Variants in COL15A1 observed in about 807,000 individuals in gnomAD.
COL15A1 encodes collagen type XV alpha 1 chain.
COL15A1 carries 111 observed loss-of-function variants against 165.9 expected under a neutral mutation model. The ratio of observed to expected loss-of-function variants is 0.67; its 90% CI spans 0.57 to 0.78. The LOEUF (loss-of-function observed/expected upper bound fraction) is 0.78, where lower values mean the gene tolerates loss of function less well. Among genes scored for constraint, COL15A1 ranks in the 30% least tolerant of loss-of-function variants. The pLI, the probability that COL15A1 is intolerant of heterozygous loss-of-function variation, is 0.00. For synonymous variants in COL15A1, 659 were observed against 674.8 expected, an observed-to-expected ratio of 0.98 and a Z score of 0.36; for missense variants, 1,745 against 1,789.7, an observed-to-expected ratio of 0.98 and a Z score of 0.45.
intron 5 of COL15A1, among the ~76,000 whole-genome samples, chr9:98,990,557 C>T (rs529050145): frequency 6.6e-6 from 1 of 152,378 alleles, no homozygotes; most frequent in African/African-American, 2.4e-5. Flanking sequence ...TGATGCTGCC[C>T]TGTGCACCAG....
At position 99,069,930 on chromosome 9, in the gene COL15A1, G is replaced by A. The variant is rs188441702; in HGVS notation, c.*44G>A. 1,287 of 1,470,088 alleles carry A rather than the reference G, an allele frequency of 8.8e-4. 14 individuals carry two copies. Among genetic ancestry groups the A allele is most frequent in the South Asian group, 6.9e-3 (567 of 82,452 alleles). 91.1% of individuals were successfully genotyped at this position (1,470,088 alleles called of 1,614,324 possible). A position where few individuals can be genotyped will look rare whatever the true frequency, so the allele number is the denominator to read the frequency against. On this transcript the variant is annotated 3_prime_UTR_variant, in exon 42 of 42. Transcript: ENST00000375001. ...TAAAGAGTTTTCAATTTTTTCTTAT[G>A]TGAAGAGTTGACACTGAAATCTAAA... is the stretch of plus-strand genomic sequence containing the variant.
rs147058448 is a variant in COL15A1, at chr9:98,978,130, A to G, written c.101-7435A>G. 2.1e-3 allele frequency among the ~76,000 whole-genome samples: 320 copies of G among 152,322 alleles called. 3 individuals carry two copies. The highest frequency in any genetic ancestry group is 7.3e-3 in the African/African-American group (303 of 41,582). Reference sequence around the variant, plus strand: ...CCTGGCCATGGAAGTCTCCCTGAACATCAATTTCCCTGTCTAGAAAACAAG... The same window carrying G: ...CCTGGCCATGGAAGTCTCCCTGAACGTCAATTTCCCTGTCTAGAAAACAAG... On this transcript the variant is annotated intron_variant, in intron 2 of 41. Transcript: ENST00000375001.
chr9:99,032,351 A>G (rs1280219376), intron 16 of COL15A1, among the ~76,000 whole-genome samples: 2 of 151,910 alleles, frequency 1.3e-5, no homozygotes, highest in Admixed American at 1.3e-4. Flanking sequence ...CACCACACCC[A>G]GCTAACTTAT....
Position 98,943,931 on chromosome 9 carries a change from G to T in COL15A1, c.-131G>T, listed in dbSNP as rs899951849. On this transcript the variant is annotated 5_prime_UTR_variant, in exon 1 of 42. Coordinates refer to ENST00000375001, the MANE Select transcript of COL15A1 (RefSeq NM_001855.5). ...GATTCTGCCCGCCGCCGCCGCTGCCGAGCGCCGCCTTTGTTCCCTGCAGGA... is the reference window on the plus strand; with the variant it reads ...GATTCTGCCCGCCGCCGCCGCTGCCTAGCGCCGCCTTTGTTCCCTGCAGGA... The T allele has an allele frequency of 3.9e-5, 48 of 1,240,726 alleles. No individual in the cohort carries two copies. Among genetic ancestry groups the T allele is most frequent in the South Asian group, 2.7e-4 (15 of 55,740 alleles). The allele number at this position is 1,240,726 out of a possible 1,614,324, so 76.9% of individuals were successfully genotyped here. A position where few individuals can be genotyped will look rare whatever the true frequency, so the allele number is the denominator to read the frequency against.
chr9:99,062,388 C>G (rs1259927048), intron 38 of COL15A1, 84 bp downstream of exon 38: 13 of 1,015,934 alleles, frequency 1.3e-5, no homozygotes, highest in Non-Finnish European at 1.9e-5. Context: ...ACCAAGCTCT[C>G]CAAACTCTGG....
chr9:99,065,831 CTG>C (rs1206099559), intron 39 of COL15A1, among the ~76,000 whole-genome samples: 1 of 151,480 alleles, frequency 6.6e-6, no homozygotes, highest in African/African-American at 2.4e-5. Context: ...TGGACACTCA[CTG>C]TAGCTCATGG....
At chr9:99,039,125 T>G (rs1200586994) in intron 22 of COL15A1, among the ~76,000 whole-genome samples, 1 of 152,260 alleles carries the variant, frequency 6.6e-6, no homozygotes, top group East Asian at 1.9e-4. Context: ...GGACTCATTC[T>G]AGTCTTTATA....
intron 2 of COL15A1, among the ~76,000 whole-genome samples, chr9:98,967,485 C>T (rs13300426): frequency 0.23 from 35,629 of 152,200 alleles, 4,721 homozygotes; most frequent in East Asian, 0.36. Flanking sequence ...AGCCTTCTTC[C>T]CCCACAGCTG....
At chr9:98,965,733 C>T (rs1351493026) in intron 2 of COL15A1, among the ~76,000 whole-genome samples, 7 of 152,242 alleles carry the variant, frequency 4.6e-5, no homozygotes, top group Admixed American at 2.0e-4. Context: ...GTCCCCTTCC[C>T]AGTGTCCCCC....
At chr9:98,998,628 T>C (rs1009299433) in intron 6 of COL15A1, among the ~76,000 whole-genome samples, 1 of 152,140 alleles carries the variant, frequency 6.6e-6, no homozygotes, top group Admixed American at 6.5e-5. Flanking sequence ...CTGGCCGCAG[T>C]TGTGGAAGTG....
intron 6 of COL15A1, among the ~76,000 whole-genome samples, chr9:98,998,770 C>G (rs547439267): frequency 6.6e-6 from 1 of 152,322 alleles, no homozygotes; most frequent in South Asian, 2.1e-4. Flanking sequence ...GGGCTCTGAT[C>G]CCAACGCAGC....
intron 16 of COL15A1, among the ~76,000 whole-genome samples, chr9:99,026,821 G>A (rs1014401664): frequency 3.9e-5 from 6 of 152,076 alleles, no homozygotes; most frequent in African/African-American, 1.4e-4. Context: ...CCATGCTATT[G>A]AGAACCTCCC....
At chr9:99,068,724 A>T (rs1470676022) in intron 41 of COL15A1, 54 bp downstream of exon 41, 2 of 1,035,114 alleles carry the variant, frequency 1.9e-6, no homozygotes, top group African/African-American at 3.4e-5. Context: ...TTTAGGGGGC[A>T]TCCTAACAAT....
chr9:99,069,761 G>T lies in COL15A1; in HGVS notation c.4042G>T (p.Ala1348Ser), dbSNP rs1390555239. 6.2e-7 allele frequency: 1 copy of T among 1,614,252 alleles called. No homozygotes were observed. Residue 1348 changes from alanine to serine, a missense_variant, in exon 42 of 42, where the codon GCG (alanine) becomes TCG (serine). Transcript: ENST00000375001. ...YCEAWRTADT[A>S]VTGLASPLST... ...TGAAGCATGGCGAACCGCGGACACA[G>T]CGGTCACGGGACTTGCCTCCCCGCT...
rs190506253 is a variant in COL15A1 at position 99,028,631 on chromosome 9, C to T, written c.2043+2665C>T. ...CGCCACTGCACTTCAGCCTGGGTGA[C>T]AGGGTGAGACTCCGTCTCCAGAAAA... is the stretch of plus-strand genomic sequence containing the variant. On this transcript the variant is annotated intron_variant, in intron 16 of 41. Coordinates refer to ENST00000375001, the MANE Select transcript of COL15A1 (RefSeq NM_001855.5). Among the ~76,000 whole-genome samples the T allele has an allele frequency of 2.0e-3, 300 of 152,020 alleles. 1 individual carries two copies. The highest frequency in any genetic ancestry group is 6.8e-3 in the African/African-American group (282 of 41,456).
At chr9:98,970,328 T>G (rs1838025980) in intron 2 of COL15A1, among the ~76,000 whole-genome samples, 1 of 152,222 alleles carries the variant, frequency 6.6e-6, no homozygotes, top group Non-Finnish European at 1.5e-5. Context: ...ATTCAGTGCT[T>G]TGTGAAGCCA....
chr9:99,042,551 G>A (rs1439977656), intron 24 of COL15A1, among the ~76,000 whole-genome samples: 1 of 152,260 alleles, frequency 6.6e-6, no homozygotes, highest in Non-Finnish European at 1.5e-5. Flanking sequence ...CCTGAGGACA[G>A]GCATCCTGCC....
At chr9:99,056,214 T>C (rs1047054661) in intron 34 of COL15A1, 46 bp from the exon 35 acceptor site, 1 of 1,590,420 alleles carries the variant, frequency 6.3e-7, no homozygotes, top group Non-Finnish European at 8.6e-7. Flanking sequence ...GGACTTCGAG[T>C]GATGAATGAT....
chr9:98,991,779 G>A (rs1007643591), intron 5 of COL15A1, among the ~76,000 whole-genome samples: 6 of 152,080 alleles, frequency 3.9e-5, no homozygotes, highest in African/African-American at 1.2e-4. Context: ...GTGTTGATTG[G>A]TGTGTTTACA....
Sources: allele counts gnomAD v4.1 joint callset (sites outside exome capture counted in the v4.1 genomes callset), GRCh38; gene constraint gnomAD v4.1.1; transcripts MANE v1.5; gene names NCBI Gene and HGNC (gene_info 2026-07-23, HGNC 2026-07-21).